IL1RAP: variants seen among roughly 807,000 people sequenced by gnomAD.
The protein encoded by IL1RAP is interleukin-1 receptor accessory protein.
Under a neutral mutation model 60.7 loss-of-function variants are expected in IL1RAP, and 35 were observed. The observed-to-expected ratio is 0.58, with a 90% CI of 0.44 to 0.76. The LOEUF (loss-of-function observed/expected upper bound fraction) is 0.76, where lower values mean the gene tolerates loss of function less well. IL1RAP is among the 30% of genes least tolerant of loss of function. The probability of loss-of-function intolerance (pLI) is 0.00; values close to 1 mark genes in which losing one functional copy is unlikely to be tolerated. For missense variants in IL1RAP, 572 were observed against 693.9 expected (o/e 0.82, Z 1.97); for synonymous variants, 268 against 250.9 (o/e 1.07, Z -0.64).
intron 1 of IL1RAP, among the ~76,000 whole-genome samples, chr3:190,522,407 CTATGTATCTATG>C (rs1299588226): frequency 7.9e-6 from 1 of 127,214 alleles, no homozygotes; most frequent in African/African-American, 3.1e-5. Context: ...ATGTATCTAT[CTATGTATCTATG>C]TATCTATCTA....
intron 3 of IL1RAP, among the ~76,000 whole-genome samples, chr3:190,568,165 T>G (rs2108638677): frequency 1.3e-5 from 2 of 152,342 alleles, no homozygotes; most frequent in Middle Eastern, 3.4e-3. Flanking sequence ...AGAAAGATTT[T>G]ATTTCAAAGT....
chr3:190,594,072 C>T (rs964663874), intron 3 of IL1RAP, among the ~76,000 whole-genome samples: 2 of 152,140 alleles, frequency 1.3e-5, no homozygotes, highest in Non-Finnish European at 2.9e-5. Flanking sequence ...AGACAATGAT[C>T]AGCCATAAGT....
intron 3 of IL1RAP, among the ~76,000 whole-genome samples, chr3:190,602,705 T>G (rs1471027632): frequency 6.6e-6 from 1 of 152,230 alleles, no homozygotes; most frequent in Non-Finnish European, 1.5e-5. Context: ...ATGTAACTCT[T>G]TTCTTTCAAA....
chr3:190,621,517 G>C (rs759072922), intron 6 of IL1RAP, among the ~76,000 whole-genome samples: 20 of 152,104 alleles, frequency 1.3e-4, no homozygotes, highest in Admixed American at 3.9e-4. Flanking sequence ...GTGCTTAAAA[G>C]TATGCATTTT....
chr3:190,536,134 G>A lies in IL1RAP; in HGVS notation c.-88-19996G>A, dbSNP rs183628328. 2.3e-3 allele frequency among the ~76,000 whole-genome samples: 357 copies of A among 152,202 alleles called. 2 individuals are homozygous for A. The highest frequency in any genetic ancestry group is 8.0e-3 in the African/African-American group (334 of 41,528). The stretch of plus-strand genomic sequence containing the variant: ...TTTCTTTTCTTGTTGGGTGTTAGTA[G>A]CTCAACTTTCACACCTGCCATCAAC... On this transcript the variant is annotated intron_variant, in intron 1 of 11. Transcript: ENST00000447382.
chr3:190,644,314 T>C lies in IL1RAP; in HGVS notation c.1118T>C (p.Ile373Thr). The change falls in exon 10 of 12, where the codon ATT (isoleucine) becomes ACT (threonine). Residue 373 changes from isoleucine (I) to threonine (T), a missense_variant. By Grantham distance (89) the Ile-to-Thr change is moderately conservative (BLOSUM62 -1). Coordinates refer to ENST00000447382, the MANE Select transcript of IL1RAP (RefSeq NM_002182.4). ...GFGATVLLVV[I>T]LIVVYHVYWL... Reference sequence around the variant, plus strand: ...GGAGCCACAGTCCTGCTAGTGGTGATTCTCATTGTTGTTTACCATGTTTAC... The same window carrying C: ...GGAGCCACAGTCCTGCTAGTGGTGACTCTCATTGTTGTTTACCATGTTTAC... The C allele has an allele frequency of 6.2e-7, 1 of 1,614,090 alleles. No homozygotes were observed. Among genetic ancestry groups the C allele is most frequent in the South Asian group, 1.1e-5 (1 of 91,082 alleles).
At chr3:190,519,851 G>T (rs1383455124) in intron 1 of IL1RAP, among the ~76,000 whole-genome samples, 1 of 152,142 alleles carries the variant, frequency 6.6e-6, no homozygotes, top group Non-Finnish European at 1.5e-5. Context: ...TATGCCATCA[G>T]CTGAGAGACT....
chr3:190,519,899 TTCTA>T (rs1419985474), intron 1 of IL1RAP, among the ~76,000 whole-genome samples: 1 of 152,178 alleles, frequency 6.6e-6, no homozygotes, highest in Non-Finnish European at 1.5e-5. Flanking sequence ...TCAATCATCT[TTCTA>T]TCTAGCTCTA....
At chr3:190,588,865 C>A (rs1207537289) in intron 3 of IL1RAP, among the ~76,000 whole-genome samples, 1 of 152,126 alleles carries the variant, frequency 6.6e-6, no homozygotes, top group South Asian at 2.1e-4. Context: ...AATTTAACCC[C>A]TGACATACCA....
chr3:190,659,682 T>G (rs1245512767), exon 12 of IL1RAP: 2 of 152,348 alleles, frequency 1.3e-5, no homozygotes, highest in East Asian at 1.9e-4. Context: ...CTCTCCTATC[T>G]GTTTGAACAT....
At chr3:190,600,461 G>A (rs573003868) in intron 3 of IL1RAP, among the ~76,000 whole-genome samples, 6 of 152,116 alleles carry the variant, frequency 3.9e-5, no homozygotes, top group Non-Finnish European at 8.8e-5. Context: ...GACTGCATGT[G>A]CCAGGATAGA....
Position 190,644,567 on chromosome 3 carries a change from T to C in IL1RAP, c.1201+170T>C, listed in dbSNP as rs145093043. ...TGCTATTAGAAATCTTTCCGAAGAT[T>C]ATTATTCTATTTTCTTGGATTAATT... On this transcript the variant is annotated intron_variant, in intron 10 of 11. Coordinates refer to ENST00000447382, the MANE Select transcript of IL1RAP (RefSeq NM_002182.4). 2.0e-5 allele frequency among the ~76,000 whole-genome samples: 3 copies of C among 152,334 alleles called. No homozygotes were observed. In the South Asian group the frequency reaches 6.2e-4, roughly 32 times the overall value.
intron 3 of IL1RAP, among the ~76,000 whole-genome samples, chr3:190,578,896 AC>A (rs1364554419): frequency 1.3e-5 from 2 of 151,946 alleles, no homozygotes; most frequent in African/African-American, 4.8e-5. Context: ...CATGGGAAAA[AC>A]CCGCACCTGT....
intron 4 of IL1RAP, among the ~76,000 whole-genome samples, chr3:190,604,904 T>C (rs965383896): frequency 3.9e-5 from 6 of 152,184 alleles, no homozygotes; most frequent in African/African-American, 7.2e-5. Flanking sequence ...ACTTTTTGAG[T>C]GTGGCAACTG....
intron 5 of IL1RAP, among the ~76,000 whole-genome samples, chr3:190,611,630 A>T (rs1477556247): frequency 6.6e-6 from 1 of 152,226 alleles, no homozygotes; most frequent in African/African-American, 2.4e-5. Context: ...TTTGGAGGGT[A>T]GTAAAGGAGG....
At chr3:190,656,159 C>G, downstream of IL1RAP, 2 of 1,537,298 alleles carry the variant, frequency 1.3e-6, no homozygotes, top group Non-Finnish European at 1.7e-6. Context: ...TTCTGGAAAG[C>G]TTTGCGGTTG....
intron 3 of IL1RAP, among the ~76,000 whole-genome samples, chr3:190,566,181 T>C (rs1025815871): frequency 1.5e-4 from 23 of 152,158 alleles, no homozygotes; most frequent in Non-Finnish European, 5.9e-5. Context: ...CTCAGAATAA[T>C]ACTGACACAT....
chr3:190,638,525 T>A (rs77901184), intron 9 of IL1RAP, among the ~76,000 whole-genome samples: 1 of 152,178 alleles, frequency 6.6e-6, no homozygotes, highest in Non-Finnish European at 1.5e-5. Context: ...GTCAGACACA[T>A]GTTTTGCAAA....
At chr3:190,635,802 G>A (rs182643517) in intron 9 of IL1RAP, among the ~76,000 whole-genome samples, 56 of 152,270 alleles carry the variant, frequency 3.7e-4, no homozygotes, top group African/African-American at 1.2e-3. Context: ...CTGGGAGCAG[G>A]TATCTCCAAC....
Sources: gnomAD v4.1 joint callset for allele counts (sites outside exome capture counted in the v4.1 genomes callset) on GRCh38, gnomAD v4.1.1 for gene constraint, MANE v1.5 for transcripts, NCBI Gene and HGNC (gene_info 2026-07-23, HGNC 2026-07-21) for gene names.